WDR20: variants seen among roughly 807,000 people sequenced by gnomAD.
WDR20 encodes the protein WD repeat domain 20, also known as WD repeat-containing protein 20.
In WDR20, 3 loss-of-function variants were observed where a neutral mutation model predicts 38.7. The ratio of observed to expected loss-of-function variants is 0.08; its 90% CI spans 0.04 to 0.20. WDR20 has a LOEUF of 0.20. Ranked by LOEUF, WDR20 falls within the 10% of genes least tolerant of loss-of-function variation. The pLI is 1.00. For synonymous variants in WDR20, 298 were observed against 285.6 expected (o/e 1.04, Z -0.44); for missense variants, 559 against 727.7 (o/e 0.77, Z 2.67).
At chr14:102,202,035 G>T (rs2060484598) in intron 2 of WDR20, among the ~76,000 whole-genome samples, 1 of 151,972 alleles carries the variant, frequency 6.6e-6, no homozygotes, top group African/African-American at 2.4e-5. Context: ...TTCTGGCCCA[G>T]GGAGCAGGTC....
intron 1 of WDR20, among the ~76,000 whole-genome samples, chr14:102,180,676 T>TA (rs1175937750): frequency 6.6e-6 from 1 of 152,222 alleles, no homozygotes; most frequent in Non-Finnish European, 1.5e-5. Flanking sequence ...TGTAGTACTC[T>TA]ACACGGAGGA....
intron 1 of WDR20, among the ~76,000 whole-genome samples, chr14:102,176,840 T>TGCCTCA (rs1324742142): frequency 6.6e-6 from 1 of 152,128 alleles, no homozygotes; most frequent in Non-Finnish European, 1.5e-5. Context: ...TTCATTCTCC[T>TGCCTCA]GCCTCAGCCT....
intron 2 of WDR20, among the ~76,000 whole-genome samples, chr14:102,197,168 A>T (rs548671147): frequency 6.6e-6 from 1 of 152,208 alleles, no homozygotes; most frequent in Non-Finnish European, 1.5e-5. Context: ...CAAAGAGCAC[A>T]TAAGTGAATT....
Position 102,210,224 on chromosome 14 carries a change from T to G in WDR20, c.*344T>G. 1 of 1,027,242 alleles carries G rather than the reference T, an allele frequency of 9.7e-7. No homozygotes were observed. The highest frequency in any genetic ancestry group is 1.2e-6 in the Non-Finnish European group (1 of 856,498). The allele number at this position is 1,027,242 out of a possible 1,614,324, so 63.6% of individuals were successfully genotyped here. On this transcript the variant is annotated 3_prime_UTR_variant, in exon 3 of 3. Transcript: ENST00000342702. ...GACTTTAAAATGCTGAAATTAAAAT[T>G]TATGCTTTAACTGGAATATTTTTTG... is the stretch of plus-strand genomic sequence containing the variant.
intron 1 of WDR20, among the ~76,000 whole-genome samples, chr14:102,175,455 A>C (rs1444567979): frequency 6.6e-6 from 1 of 152,082 alleles, no homozygotes; most frequent in Non-Finnish European, 1.5e-5. Flanking sequence ...GACTATAGCC[A>C]TATAGTATAG....
intron 2 of WDR20, chr14:102,196,005 T>A (rs2059353972): frequency 6.6e-6 from 1 of 152,236 alleles, no homozygotes; most frequent in Non-Finnish European, 1.5e-5. Context: ...CCCTTTTGCA[T>A]TGTTGCATGG....
intron 1 of WDR20, among the ~76,000 whole-genome samples, chr14:102,163,187 G>A (rs1263214717): frequency 6.6e-6 from 1 of 152,090 alleles, no homozygotes; most frequent in Non-Finnish European, 1.5e-5. Flanking sequence ...GACTGGGTTT[G>A]ACATAAAAAC....
rs578187050 is a variant in WDR20, at chr14:102,208,510, C to G, written c.433-93C>G. 6.6e-5 allele frequency: 97 copies of G among 1,476,226 alleles called. No homozygotes were observed. The South Asian group carries it at 1.3e-3, about 19-fold the overall frequency. 91.4% of individuals were successfully genotyped at this position (1,476,226 alleles called of 1,614,324 possible). A position where few individuals can be genotyped will look rare whatever the true frequency, so the allele number is the denominator to read the frequency against. On this transcript the variant is annotated intron_variant, in intron 2 of 2. Transcript: ENST00000342702. The surrounding 1 kb of genome is among the most constrained non-coding windows in gnomAD (Gnocchi z 5.6). ...GTGGAGGGCCTGGATAGACTTGCCC[C>G]TTCCCATCGAGAAGCACACAAGTTT...
At chr14:102,168,008 C>T (rs918702811) in intron 1 of WDR20, among the ~76,000 whole-genome samples, 1 of 152,134 alleles carries the variant, frequency 6.6e-6, no homozygotes, top group Non-Finnish European at 1.5e-5. Context: ...AACAGTTGTT[C>T]GCCTGATCTT....
chr14:102,217,210 G>T (rs2063321819), downstream of WDR20, among the ~76,000 whole-genome samples: 3 of 152,234 alleles, frequency 2.0e-5, no homozygotes, highest in Admixed American at 2.0e-4. Flanking sequence ...GCAGGGCCAA[G>T]TGGGTCCCAG....
chr14:102,170,395 G>A (rs998659707), intron 1 of WDR20, among the ~76,000 whole-genome samples: 4 of 152,136 alleles, frequency 2.6e-5, no homozygotes, highest in Non-Finnish European at 5.9e-5. Context: ...TAATTTTAGA[G>A]ACATAGTCAA....
intron 2 of WDR20, among the ~76,000 whole-genome samples, chr14:102,196,276 T>C (rs184801427): frequency 9.9e-5 from 15 of 152,276 alleles, no homozygotes; most frequent in African/African-American, 3.6e-4. Flanking sequence ...AAACTTGCCA[T>C]CTGGACTGAC....
At chr14:102,151,842 T>C (rs2055988957) in intron 1 of WDR20, among the ~76,000 whole-genome samples, 1 of 151,490 alleles carries the variant, frequency 6.6e-6, no homozygotes, top group African/African-American at 2.4e-5. Context: ...TGGGCCCAAA[T>C]AATCCTCCTG....
exon 4 of WDR20, chr14:102,223,035 C>A: frequency 1.3e-6 from 1 of 799,914 alleles, no homozygotes; most frequent in Non-Finnish European, 2.0e-6. Flanking sequence ...GCTCACTCTG[C>A]GGCGCCGTGC....
chr14:102,181,283 A>G (rs2063320269), intron 1 of WDR20, among the ~76,000 whole-genome samples: 1 of 152,222 alleles, frequency 6.6e-6, no homozygotes, highest in Non-Finnish European at 1.5e-5. Flanking sequence ...CAAGAAGACC[A>G]CAGGTGAGAG....
exon 4 of WDR20, chr14:102,223,061 A>G (rs1409663161): frequency 1.7e-6 from 1 of 605,760 alleles, no homozygotes; most frequent in Non-Finnish European, 2.8e-6. Context: ...CTGCTCACCC[A>G]AAGAAGTTGT....
chr14:102,201,114 G>A (rs531258194), intron 2 of WDR20, among the ~76,000 whole-genome samples: 46 of 152,202 alleles, frequency 3.0e-4, no homozygotes, highest in South Asian at 6.2e-4. Context: ...CAGATAAAAC[G>A]ACATCCGATC....
At chr14:102,168,913 T>C (rs2060289058) in intron 1 of WDR20, among the ~76,000 whole-genome samples, 1 of 152,214 alleles carries the variant, frequency 6.6e-6, no homozygotes, top group African/African-American at 2.4e-5. Context: ...TCTTACAGTC[T>C]GTTCTCCTGA....
chr14:102,148,255 C>T (rs1002373151), intron 1 of WDR20, among the ~76,000 whole-genome samples: 2 of 152,152 alleles, frequency 1.3e-5, no homozygotes, highest in Non-Finnish European at 2.9e-5. Context: ...AAATTGACAG[C>T]ATCAGTGACA....
Sources: allele counts gnomAD v4.1 joint callset (sites outside exome capture counted in the v4.1 genomes callset), GRCh38; gene constraint gnomAD v4.1.1; non-coding constraint Gnocchi (gnomAD v3.1); transcripts MANE v1.5; gene names NCBI Gene and HGNC (gene_info 2026-07-23, HGNC 2026-07-21).